The following HMGN5 variants were observed in gnomAD, a reference collection of about 807,000 sequenced individuals.
HMGN5 encodes high mobility group nucleosome binding domain 5, also known as high mobility group nucleosome-binding domain-containing protein 5.
In HMGN5, 4 loss-of-function variants were observed where a neutral mutation model predicts 9.5. That is an observed-to-expected ratio of 0.42 (90% CI 0.21 to 0.96). The LOEUF (loss-of-function observed/expected upper bound fraction) is 0.96. Among genes scored for constraint, HMGN5 ranks in the 40% least tolerant of loss-of-function variants. The pLI is 0.30. For synonymous variants in HMGN5, 55 were observed against 57.1 expected (o/e 0.96, Z 0.16); for missense variants, 192 against 187.5 (o/e 1.02, Z -0.14).
Position 81,114,612 on chromosome X carries a change from T to A in HMGN5, c.*37A>T, listed in dbSNP as rs1330101435. The A allele has an allele frequency of 3.8e-6, 4 of 1,058,875 alleles. No individual in the cohort carries two copies. The African/African-American group carries it at 7.7e-5, about 20-fold the overall frequency. 87.3% of individuals were successfully genotyped at this position (1,058,875 alleles called of 1,213,427 possible). ...CTCTATTAACTTTACAACATGAAGG[T>A]ACATGTTACCAAATTATGAAACTAC... On this transcript the variant is annotated 3_prime_UTR_variant, in exon 7 of 7. Transcript: ENST00000358130.
intron 1 of HMGN5, among the ~76,000 whole-genome samples, chrX:81,149,274 T>C (rs758458026): frequency 1.5e-3 from 163 of 112,006 alleles, no homozygotes; most frequent in African/African-American, 5.2e-3. Flanking sequence ...GTGGTGCATA[T>C]ACACCATGGA....
Position 81,176,158 on chromosome X carries a change from C to T in HMGN5, c.-124+25579G>A, listed in dbSNP as rs777049707. On this transcript the variant is annotated intron_variant, in intron 1 of 6. Coordinates refer to ENST00000358130, the MANE Select transcript of HMGN5 (RefSeq NM_030763.3). Reference sequence around the variant, plus strand: ...GCAAACAGGGTCTGGAGTGGACCTCCAGCAAACGCCAACAGACCTGCAGCA... The same window carrying T: ...GCAAACAGGGTCTGGAGTGGACCTCTAGCAAACGCCAACAGACCTGCAGCA... 5.4e-5 allele frequency among the ~76,000 whole-genome samples: 6 copies of T among 111,679 alleles called. No homozygotes were observed. In the South Asian group the frequency reaches 2.2e-3, roughly 42 times the overall value.
chrX:81,150,819 A>T (rs2075359593), intron 1 of HMGN5, among the ~76,000 whole-genome samples: 1 of 111,674 alleles, frequency 9.0e-6, no homozygotes, highest in Admixed American at 9.5e-5. Flanking sequence ...AATTCGAAGG[A>T]TCATTAGTAG....
Position 81,115,443 on chromosome X carries a change from T to C in HMGN5, c.268-213A>G, listed in dbSNP as rs754326875. Among the ~76,000 whole-genome samples, 6 of 112,263 alleles carry C rather than the reference T, an allele frequency of 5.3e-5. No homozygotes were observed. The East Asian group carries it at 1.7e-3, about 31-fold the overall frequency. Reference sequence around the variant, plus strand: ...ACTAAAATATGTCCACGGAAATATCTACAAATAGATATTTGAAACAATAAA... The same window carrying C: ...ACTAAAATATGTCCACGGAAATATCCACAAATAGATATTTGAAACAATAAA... On this transcript the variant is annotated intron_variant, in intron 6 of 6. Transcript: ENST00000358130.
chrX:81,196,394 T>C (rs1225170509), intron 1 of HMGN5, among the ~76,000 whole-genome samples: 1 of 109,332 alleles, frequency 9.1e-6, no homozygotes, highest in Non-Finnish European at 1.9e-5. Flanking sequence ...CCCATCCAAA[T>C]TTCATCTTGA....
chrX:81,148,228 AACT>A (rs2075350871), intron 1 of HMGN5, among the ~76,000 whole-genome samples: 1 of 111,822 alleles, frequency 8.9e-6, no homozygotes, highest in African/African-American at 3.3e-5. Flanking sequence ...CCTGACTTCA[AACT>A]ACTACTAGGC....
intron 3 of HMGN5, 74 bp from the exon 4 acceptor site, chrX:81,118,833 A>T (rs2075261420): frequency 1.5e-6 from 1 of 688,985 alleles, no homozygotes; most frequent in Admixed American, 3.0e-5. Context: ...ATTGAGGTCA[A>T]AATATTTGGT....
At chrX:81,141,462 CAGAG>C (rs35363364) in intron 1 of HMGN5, among the ~76,000 whole-genome samples, 3,485 of 93,967 alleles carry the variant, frequency 0.037, 98 homozygotes, top group African/African-American at 0.097. Context: ...TGATGCAAAA[CAGAG>C]AGAGAGAGAG....
At chrX:81,124,554 CA>C (rs1475217959) in intron 1 of HMGN5, among the ~76,000 whole-genome samples, 4 of 112,042 alleles carry the variant, frequency 3.6e-5, no homozygotes, top group Non-Finnish European at 7.5e-5. Context: ...ACCACTCCAT[CA>C]AACTTCTTCA....
rs778571922 is a variant in HMGN5, at chrX:81,175,879, C to T, written c.-124+25858G>A. ...ATCCCAGCATGATCGACCCAGAACACGGGTGATTTCTGCATTTCCAACTGA... is the reference window on the plus strand; with the variant it reads ...ATCCCAGCATGATCGACCCAGAACATGGGTGATTTCTGCATTTCCAACTGA... On this transcript the variant is annotated intron_variant, in intron 1 of 6. Transcript: ENST00000358130. Among the ~76,000 whole-genome samples, 3 of 111,876 alleles carry T rather than the reference C, an allele frequency of 2.7e-5. No homozygotes were observed. The South Asian group carries it at 1.1e-3, about 42-fold the overall frequency.
chrX:81,184,142 C>T (rs1043763584), intron 1 of HMGN5, among the ~76,000 whole-genome samples: 4 of 111,168 alleles, frequency 3.6e-5, no homozygotes, highest in African/African-American at 1.3e-4. Context: ...TTGTAATAGC[C>T]AATGTTGGAG....
At chrX:81,129,267 C>T (rs1188744162) in intron 1 of HMGN5, among the ~76,000 whole-genome samples, 2 of 111,647 alleles carry the variant, frequency 1.8e-5, no homozygotes, top group Non-Finnish European at 3.8e-5. Context: ...TATACTCTGA[C>T]ACAGAAGCAT....
intron 1 of HMGN5, among the ~76,000 whole-genome samples, chrX:81,162,374 A>C (rs1338172988): frequency 9.1e-6 from 1 of 109,365 alleles, no homozygotes; most frequent in African/African-American, 3.3e-5. Context: ...AAAAAAAAAA[A>C]AAACCACTCA....
At chrX:81,125,945 C>G (rs1602557956) in intron 1 of HMGN5, among the ~76,000 whole-genome samples, 1 of 110,135 alleles carries the variant, frequency 9.1e-6, no homozygotes, top group South Asian at 3.9e-4. Flanking sequence ...GTGAAGAGTT[C>G]GAGATCAACA....
intron 1 of HMGN5, among the ~76,000 whole-genome samples, chrX:81,181,498 T>G (rs1436841667): frequency 9.0e-6 from 1 of 111,552 alleles, no homozygotes; most frequent in African/African-American, 3.3e-5. Context: ...GTATAATTAT[T>G]TTTTACCATA....
chrX:81,139,865 C>T (rs750021790), intron 1 of HMGN5, among the ~76,000 whole-genome samples: 1 of 112,176 alleles, frequency 8.9e-6, no homozygotes, highest in Admixed American at 9.4e-5. Flanking sequence ...AACCTCATCA[C>T]GGAGGGCTCC....
At chrX:81,152,430 C>G (rs1286402451) in intron 1 of HMGN5, among the ~76,000 whole-genome samples, 1 of 110,501 alleles carries the variant, frequency 9.0e-6, no homozygotes, top group Non-Finnish European at 1.9e-5. Context: ...AAATGCAAAT[C>G]AAAACCACAA....
At chrX:81,178,242 C>CA (rs1313065219) in intron 1 of HMGN5, among the ~76,000 whole-genome samples, 9 of 110,918 alleles carry the variant, frequency 8.1e-5, no homozygotes, top group Admixed American at 5.8e-4. Flanking sequence ...GATAGAGACA[C>CA]AAAAAACCCT....
At chrX:81,147,033 G>A (rs1416548003) in intron 1 of HMGN5, among the ~76,000 whole-genome samples, 4 of 111,415 alleles carry the variant, frequency 3.6e-5, no homozygotes, top group African/African-American at 1.3e-4. Context: ...AGAAGTCCAG[G>A]ACCAGACGGA....
Sources: allele counts gnomAD v4.1 joint callset (sites outside exome capture counted in the v4.1 genomes callset), GRCh38; gene constraint gnomAD v4.1.1; transcripts MANE v1.5; gene names NCBI Gene and HGNC (gene_info 2026-07-23, HGNC 2026-07-21).